The following NLRP7 variants were observed in gnomAD, a reference collection of about 807,000 sequenced individuals.
The protein encoded by NLRP7 is NACHT, LRR and PYD domains-containing protein 7.
NLRP7 carries 72 observed loss-of-function variants against 85.5 expected under a neutral mutation model. The ratio of observed to expected loss-of-function variants is 0.84; its 90% CI spans 0.70 to 1.02. NLRP7 has a LOEUF of 1.02. NLRP7 is among the 50% of genes least tolerant of loss of function. The pLI is 0.00. For synonymous variants in NLRP7, 550 were observed against 505.2 expected (o/e 1.09, Z -1.19); for missense variants, 1,243 against 1,219.5 (o/e 1.02, Z -0.29).
intron 9 of NLRP7, among the ~76,000 whole-genome samples, chr19:54,930,115 CAAA>C (rs34446838): frequency 3.8e-4 from 38 of 100,534 alleles, no homozygotes; most frequent in Non-Finnish European, 5.2e-4. Context: ...GGCTCCGTCT[CAAA>C]AAAAAAAAAA....
rs770709812 is a variant in NLRP7 at position 54,934,445 on chromosome 19, C to A, written c.2471+44G>T. On this transcript the variant is annotated intron_variant, in intron 7 of 9. Coordinates refer to ENST00000340844, the Ensembl canonical transcript of NLRP7. The surrounding 1 kb of genome is among the most constrained non-coding windows in gnomAD (Gnocchi z 6.7). The stretch of plus-strand genomic sequence containing the variant: ...AGGTGTTACCCTTTCTCTTCTATAG[C>A]CCCAGAACTAAACCAGAGCTGCCCA... The A allele has an allele frequency of 1.2e-6, 2 of 1,601,580 alleles. No individual in the cohort carries two copies. Among genetic ancestry groups the A allele is most frequent in the South Asian group, 2.2e-5 (2 of 90,820 alleles).
rs549577060 is a variant in NLRP7 at position 54,943,494 on chromosome 19, G to A, written c.-39-1744C>T. Among the ~76,000 whole-genome samples, 35 of 151,954 alleles carry A rather than the reference G, an allele frequency of 2.3e-4. No homozygotes were observed. In the East Asian group the frequency reaches 3.7e-3, roughly 16 times the overall value. The stretch of plus-strand genomic sequence containing the variant: ...CGGGCGCCTGTAGTCCCAGCTACTC[G>A]GGAGGCTGAGGCAGGAGAATGGCGG... On this transcript the variant is annotated intron_variant, in intron 1 of 9. Coordinates refer to ENST00000340844, the Ensembl canonical transcript of NLRP7.
chr19:54,924,447 A>C lies in NLRP7; in HGVS notation c.2811-575T>G, dbSNP rs1031579389. Reference sequence around the variant, plus strand: ...AGGCCAGCCTGGGCAACACGGTGAAACCCTGTCTCTACCAAAAATAGAAAA... The same window carrying C: ...AGGCCAGCCTGGGCAACACGGTGAACCCCTGTCTCTACCAAAAATAGAAAA... On this transcript the variant is annotated intron_variant, in intron 9 of 9. Coordinates refer to ENST00000340844, the Ensembl canonical transcript of NLRP7. Among the ~76,000 whole-genome samples the C allele has an allele frequency of 1.1e-3, 164 of 151,616 alleles. 1 individual carries two copies. The highest frequency in any genetic ancestry group is 2.4e-3 in the Admixed American group (36 of 15,166).
intron 9 of NLRP7, among the ~76,000 whole-genome samples, chr19:54,926,460 C>G (rs965459111): frequency 1.3e-5 from 2 of 152,168 alleles, no homozygotes; most frequent in African/African-American, 4.8e-5. Context: ...AAACTCTTCT[C>G]TGCATGGGAA....
In NLRP7 at chr19:54,955,614, C is replaced by A. The variant is rs141858818; in HGVS notation, c.-76-8109G>T. ...GACCAGCCTGACTAACATGGCGAAA[C>A]CCCATCTCTACAAAAAATACAAAAG... On this transcript the variant is annotated intron_variant, in intron 1 of 2. Coordinates refer to the NLRP7 transcript ENST00000587103. Among the ~76,000 whole-genome samples, 1,123 of 152,204 alleles carry A rather than the reference C, an allele frequency of 7.4e-3. 12 individuals carry two copies. Among genetic ancestry groups the A allele is most frequent in the African/African-American group, 0.025 (1,040 of 41,542 alleles).
intron 8 of NLRP7, 65 bp from the exon 9 acceptor site, chr19:54,930,731 T>C: frequency 7.5e-7 from 1 of 1,332,720 alleles, no homozygotes; most frequent in Non-Finnish European, 1.1e-6. Context: ...GAAGCAGTTA[T>C]TTCCAACACT....
At chr19:54,943,897 T>G (rs78020878) in intron 1 of NLRP7, among the ~76,000 whole-genome samples, 3,875 of 152,240 alleles carry the variant, frequency 0.025, 176 homozygotes, top group African/African-American at 0.088. Context: ...AAACATGTGC[T>G]GTGTCACACG....
At chr19:54,956,264 T>C (rs761822896) in intron 1 of NLRP7, among the ~76,000 whole-genome samples, 1 of 152,128 alleles carries the variant, frequency 6.6e-6, no homozygotes, top group Non-Finnish European at 1.5e-5. Context: ...TGGGATCTGA[T>C]GCTGTCCCCA....
Position 54,936,433 on chromosome 19 carries a change from T to C in NLRP7, c.2130-2A>G, listed in dbSNP as rs764734665. The C allele has an allele frequency of 1.4e-5, 23 of 1,613,206 alleles. No individual in the cohort carries two copies. Among genetic ancestry groups the C allele is most frequent in the South Asian group, 3.3e-5 (3 of 91,072 alleles). On this transcript the variant is annotated splice_acceptor_variant, in intron 5 of 9. Coordinates refer to ENST00000340844, the Ensembl canonical transcript of NLRP7. LOFTEE classifies it high-confidence loss of function. ...GTGTCAGGGGTGACGTTTTTAATCC[T>C]AGGGAAAAGCAGAAGAGATTCCACT...
At chr19:54,951,943 G>A (rs995513966), upstream of NLRP7, among the ~76,000 whole-genome samples, 1 of 151,826 alleles carries the variant, frequency 6.6e-6, no homozygotes, top group South Asian at 2.1e-4. Context: ...TAGTAGAGAC[G>A]CGGTTTCACC....
chr19:54,959,620 C>T (rs2069973109), intron 1 of NLRP7, among the ~76,000 whole-genome samples: 1 of 151,704 alleles, frequency 6.6e-6, no homozygotes, highest in African/African-American at 2.4e-5. Flanking sequence ...CAAGTCCAGC[C>T]TGGGCAACAT....
chr19:54,956,877 G>A (rs982823271), intron 1 of NLRP7, among the ~76,000 whole-genome samples: 2 of 151,306 alleles, frequency 1.3e-5, no homozygotes, highest in East Asian at 3.9e-4. Flanking sequence ...TGATCCACCT[G>A]CCTTGGCCTC....
At chr19:54,958,813 C>T (rs2069939815) in intron 1 of NLRP7, among the ~76,000 whole-genome samples, 1 of 152,166 alleles carries the variant, frequency 6.6e-6, no homozygotes, top group Non-Finnish European at 1.5e-5. Flanking sequence ...ATCCAAGCTC[C>T]TCGAGTGCAC....
chr19:54,943,082 G>A (rs2069303753), intron 1 of NLRP7, among the ~76,000 whole-genome samples: 1 of 152,030 alleles, frequency 6.6e-6, no homozygotes, highest in African/African-American at 2.4e-5. Flanking sequence ...AGGAGGCGGA[G>A]GTTGCAGTGA....
At chr19:54,928,575 C>T (rs1272611743) in intron 9 of NLRP7, among the ~76,000 whole-genome samples, 1 of 152,030 alleles carries the variant, frequency 6.6e-6, no homozygotes, top group African/African-American at 2.4e-5. Flanking sequence ...AGAGGTAAGT[C>T]AAACAGAGAG....
At chr19:54,955,643 G>C (rs150609570) in intron 1 of NLRP7, among the ~76,000 whole-genome samples, 95 of 152,030 alleles carry the variant, frequency 6.2e-4, no homozygotes, top group African/African-American at 2.2e-3. Context: ...ACAAAAGTTA[G>C]CCAGGAGGTC....
exon 4 of NLRP7, chr19:54,939,509 C>T (rs771887529): frequency 6.2e-7 from 1 of 1,613,806 alleles, no homozygotes; most frequent in African/African-American, 1.3e-5. Context: ...CACCCCGAGC[C>T]TTTCCAGGTC....
At position 54,933,016 on chromosome 19, in the gene NLRP7, T is replaced by C. The variant is rs990669240; in HGVS notation, c.2642+553A>G. 3.3e-5 allele frequency among the ~76,000 whole-genome samples: 5 copies of C among 152,142 alleles called. No individual in the cohort carries two copies. In the South Asian group the frequency reaches 1.0e-3, roughly 31 times the overall value. ...GCAGGCAGTACTATGTCATAGGAAT[T>C]TGAAAGAACACACACAAAGCATCAG... On this transcript the variant is annotated intron_variant, in intron 8 of 9. Coordinates refer to ENST00000340844, the Ensembl canonical transcript of NLRP7.
intron 9 of NLRP7, 82 bp from the exon 11 acceptor site, chr19:54,923,954 T>C: frequency 1.4e-6 from 2 of 1,478,158 alleles, no homozygotes; most frequent in Non-Finnish European, 1.9e-6. Flanking sequence ...TTTCAAACAC[T>C]CAAAGCAGGA....
Sources: gnomAD v4.1 joint callset for allele counts (sites outside exome capture counted in the v4.1 genomes callset) on GRCh38, gnomAD v4.1.1 for gene constraint, Gnocchi (gnomAD v3.1) non-coding constraint, MANE v1.5 for transcripts, NCBI Gene and HGNC (gene_info 2026-07-23, HGNC 2026-07-21) for gene names.